Variants in ENTREP2 observed in about 807,000 individuals in gnomAD.
ENTREP2 encodes protein ENTREP2.
At chr15:29,386,735 C>T in the ENTREP2 span, among the ~76,000 whole-genome samples, 857 of 152,224 alleles carry the variant, frequency 5.6e-3, 6 homozygotes, top group Non-Finnish European at 9.1e-3. Context: ...TAGCTCTACA[C>T]GAGGAGAAAG....
the ENTREP2 span, among the ~76,000 whole-genome samples, chr15:29,564,205 C>A: frequency 0.51 from 77,496 of 151,834 alleles, 20,679 homozygotes; most frequent in Non-Finnish European, 0.6. Flanking sequence ...CAGGTACCCA[C>A]TTGTTTCCCA....
At chr15:29,646,663 G>C in the ENTREP2 span, among the ~76,000 whole-genome samples, 1 of 152,138 alleles carries the variant, frequency 6.6e-6, no homozygotes, top group Non-Finnish European at 1.5e-5. Flanking sequence ...CTTAAGTTCA[G>C]CTGACTTGGG....
At chr15:29,595,129 C>T in the ENTREP2 span, among the ~76,000 whole-genome samples, 1 of 147,872 alleles carries the variant, frequency 6.8e-6, no homozygotes, top group Non-Finnish European at 1.5e-5. Context: ...TGGCACACAC[C>T]TGTAAACCCA....
chr15:29,485,839 G>C, the ENTREP2 span, among the ~76,000 whole-genome samples: 1 of 152,154 alleles, frequency 6.6e-6, no homozygotes, highest in Admixed American at 6.5e-5. Context: ...AGTTGCAATG[G>C]CTATTATCAA....
chr15:29,653,179 G>A, the ENTREP2 span, among the ~76,000 whole-genome samples: 1 of 152,136 alleles, frequency 6.6e-6, no homozygotes, highest in Non-Finnish European at 1.5e-5. Context: ...TCCAGATGAA[G>A]AAAACTGTCT....
chr15:29,581,792 G>A, the ENTREP2 span, among the ~76,000 whole-genome samples: 20 of 151,684 alleles, frequency 1.3e-4, no homozygotes, highest in East Asian at 1.9e-4. Flanking sequence ...AAAATAATCC[G>A]GGAAAAGAAT....
At chr15:29,144,760 C>A in the ENTREP2 span, among the ~76,000 whole-genome samples, 5 of 151,836 alleles carry the variant, frequency 3.3e-5, no homozygotes, top group Admixed American at 2.0e-4. Context: ...AAACATTTAG[C>A]CGGGTGTGGT....
the ENTREP2 span, among the ~76,000 whole-genome samples, chr15:29,219,980 C>A: frequency 7.9e-5 from 12 of 151,214 alleles, no homozygotes; most frequent in Non-Finnish European, 1.5e-4. Flanking sequence ...ACGCATGCAA[C>A]CAAATACCAC....
chr15:29,550,995 T>C, the ENTREP2 span, among the ~76,000 whole-genome samples: 4 of 152,150 alleles, frequency 2.6e-5, no homozygotes, highest in African/African-American at 9.7e-5. Flanking sequence ...TGACACGTTA[T>C]CCACCCTGCC....
chr15:29,531,771 T>G, the ENTREP2 span, among the ~76,000 whole-genome samples: 2 of 152,172 alleles, frequency 1.3e-5, no homozygotes, highest in African/African-American at 4.8e-5. Flanking sequence ...GTTCAAGCGA[T>G]TCTCCTGCCT....
chr15:29,167,098 G>A, the ENTREP2 span, among the ~76,000 whole-genome samples: 2 of 152,084 alleles, frequency 1.3e-5, no homozygotes, highest in South Asian at 4.2e-4. Context: ...AATGGTGTTG[G>A]GATAATCGGC....
At chr15:29,223,024 CT>C in the ENTREP2 span, among the ~76,000 whole-genome samples, 2 of 152,144 alleles carry the variant, frequency 1.3e-5, no homozygotes, top group African/African-American at 2.4e-5. Context: ...CACTGGACAC[CT>C]GGTCAGTCCT....
chr15:29,250,613 C>CTGAGTTTCCCT, the ENTREP2 span, among the ~76,000 whole-genome samples: 2 of 152,152 alleles, frequency 1.3e-5, no homozygotes, highest in Admixed American at 6.5e-5. Context: ...CCTCCAGACA[C>CTGAGTTTCCCT]TGAGTTTCCC....
At chr15:29,548,318 A>T in the ENTREP2 span, among the ~76,000 whole-genome samples, 1 of 152,072 alleles carries the variant, frequency 6.6e-6, no homozygotes, top group African/African-American at 2.4e-5. Flanking sequence ...TTAGCCAGGC[A>T]TTGTGGTGCA....
the ENTREP2 span, among the ~76,000 whole-genome samples, chr15:29,463,772 A>T: frequency 1.5e-4 from 23 of 152,212 alleles, no homozygotes; most frequent in African/African-American, 4.6e-4. Context: ...TCACAGCAGG[A>T]TTACTCACAG....
chr15:29,603,571 T>G, the ENTREP2 span, among the ~76,000 whole-genome samples: 7 of 152,162 alleles, frequency 4.6e-5, no homozygotes, highest in African/African-American at 1.7e-4. Flanking sequence ...TGGGAAGCAC[T>G]GAGAAGCAGA....
the ENTREP2 span, among the ~76,000 whole-genome samples, chr15:29,136,734 A>C: frequency 1.4e-3 from 209 of 152,134 alleles, no homozygotes; most frequent in African/African-American, 4.9e-3. Context: ...TTAAAATTCA[A>C]ATAATCATAC....
the ENTREP2 span, among the ~76,000 whole-genome samples, chr15:29,246,973 GCACACACACACACACACACACACA>G: frequency 1.5e-5 from 2 of 137,094 alleles, no homozygotes; most frequent in South Asian, 5.1e-4. Context: ...GACTGGAAAG[GCACACACACACACACACACACACA>G]CACACACACA....
chr15:29,168,124 A>C, the ENTREP2 span, among the ~76,000 whole-genome samples: 1 of 152,216 alleles, frequency 6.6e-6, no homozygotes, highest in African/African-American at 2.4e-5. Flanking sequence ...CTAAGCTATG[A>C]GGATGCAAGG....
Sources: gnomAD v4.1 joint callset for allele counts (sites outside exome capture counted in the v4.1 genomes callset) on GRCh38, gnomAD v4.1.1 for gene constraint, MANE v1.5 for transcripts, NCBI Gene and HGNC (gene_info 2026-07-23, HGNC 2026-07-21) for gene names.